Variants in PTPRN2 observed in about 807,000 individuals in gnomAD.
PTPRN2 encodes the protein receptor-type tyrosine-protein phosphatase N2.
In PTPRN2, 74 loss-of-function variants were observed where a neutral mutation model predicts 118.8. The ratio of observed to expected loss-of-function variants is 0.62; its 90% CI spans 0.52 to 0.76. The LOEUF is 0.76. PTPRN2 is among the 30% of genes least tolerant of loss of function. The probability of loss-of-function intolerance (pLI) is 0.00; values close to 1 mark genes in which losing one functional copy is unlikely to be tolerated. For synonymous variants in PTPRN2, 641 were observed against 608.0 expected (o/e 1.05, Z -0.80); for missense variants, 1,481 against 1,394.4 (o/e 1.06, Z -0.99).
chr7:158,074,756 C>T (rs2128924878), intron 11 of PTPRN2, among the ~76,000 whole-genome samples: 2 of 152,324 alleles, frequency 1.3e-5, no homozygotes, highest in East Asian at 3.9e-4. Flanking sequence ...GGGCCAGGTG[C>T]TCCCCAGCAG....
At chr7:158,041,400 G>T (rs1808457773) in intron 11 of PTPRN2, among the ~76,000 whole-genome samples, 1 of 152,212 alleles carries the variant, frequency 6.6e-6, no homozygotes, top group African/African-American at 2.4e-5. Flanking sequence ...CACCTTGGGA[G>T]GCTGAGGTGG....
intron 3 of PTPRN2, among the ~76,000 whole-genome samples, chr7:158,312,249 T>A (rs13311779): frequency 9.5e-6 from 1 of 104,896 alleles, no homozygotes; most frequent in Non-Finnish European, 2.4e-5. Flanking sequence ...CACACACACC[T>A]GCACACGCAC....
intron 4 of PTPRN2, among the ~76,000 whole-genome samples, chr7:158,198,064 G>A (rs1826348127): frequency 6.6e-6 from 1 of 152,120 alleles, no homozygotes; most frequent in Admixed American, 6.5e-5. Context: ...CATGTTCTAT[G>A]TTGTCAGAGT....
intron 12 of PTPRN2, among the ~76,000 whole-genome samples, chr7:157,771,885 C>T (rs1563091069): frequency 6.7e-6 from 1 of 150,152 alleles, no homozygotes; most frequent in Non-Finnish European, 1.5e-5. Context: ...CATGAACACA[C>T]ACAGACACAG....
At chr7:158,002,910 G>A (rs1485973062) in intron 11 of PTPRN2, among the ~76,000 whole-genome samples, 1 of 152,208 alleles carries the variant, frequency 6.6e-6, no homozygotes, top group Non-Finnish European at 1.5e-5. Context: ...TGGAACTCCT[G>A]GCAGGAGATG....
At chr7:157,545,537 G>A (rs966267074) in intron 22 of PTPRN2, among the ~76,000 whole-genome samples, 37 of 152,178 alleles carry the variant, frequency 2.4e-4, no homozygotes, top group African/African-American at 8.4e-4. Flanking sequence ...TGAGTGTGCC[G>A]CCTCTCTGGC....
chr7:158,189,426 G>A (rs1825581755), intron 5 of PTPRN2, among the ~76,000 whole-genome samples: 1 of 152,226 alleles, frequency 6.6e-6, no homozygotes, highest in Non-Finnish European at 1.5e-5. Context: ...AATGCTGTTT[G>A]CAGGTGACGA....
intron 3 of PTPRN2, among the ~76,000 whole-genome samples, chr7:158,274,344 AGAGCCACAGACACAGGG>A (rs772629287): frequency 0.25 from 28,354 of 112,640 alleles, 5,780 homozygotes; most frequent in African/African-American, 0.31. Context: ...CAGACGCGGG[AGAGCCACAGACACAGGG>A]GGAGCCGCAG....
rs563307825 is a variant in PTPRN2 at position 157,800,877 on chromosome 7, G to A, written c.1788+97796C>T. ...TGAGGCAGGAGAATGGCGTGAACCC[G>A]GGAGGCGGAGCTTGCAGTGAGCCGA... On this transcript the variant is annotated intron_variant, in intron 12 of 22. Transcript: ENST00000389418. 2.2e-3 allele frequency among the ~76,000 whole-genome samples: 338 copies of A among 151,770 alleles called. 3 individuals carry two copies. The highest frequency in any genetic ancestry group is 2.4e-3 in the Admixed American group (36 of 15,260).
At chr7:158,553,170 C>T (rs1160492354) in intron 1 of PTPRN2, among the ~76,000 whole-genome samples, 1 of 151,324 alleles carries the variant, frequency 6.6e-6, no homozygotes, top group East Asian at 1.9e-4. Context: ...TTCCTGTCTA[C>T]ACACATACAG....
chr7:158,219,121 C>A (rs1828162293), intron 3 of PTPRN2, among the ~76,000 whole-genome samples: 1 of 152,062 alleles, frequency 6.6e-6, no homozygotes, highest in African/African-American at 2.4e-5. Context: ...AATATATATT[C>A]TTCTTATCTG....
intron 2 of PTPRN2, among the ~76,000 whole-genome samples, chr7:158,413,236 A>T (rs1470737976): frequency 2.0e-5 from 3 of 152,240 alleles, no homozygotes; most frequent in Admixed American, 2.0e-4. Context: ...CAGCAAGACA[A>T]ATTTTGTGCC....
At chr7:158,242,913 A>T (rs886144062) in intron 3 of PTPRN2, among the ~76,000 whole-genome samples, 1 of 152,070 alleles carries the variant, frequency 6.6e-6, no homozygotes. Context: ...GTCTTCTCTC[A>T]TTTCTCAGTC....
intron 12 of PTPRN2, among the ~76,000 whole-genome samples, chr7:157,812,455 A>G (rs76957412): frequency 0.019 from 2,904 of 152,286 alleles, 103 homozygotes; most frequent in African/African-American, 0.065. Context: ...CCTGAGTTCC[A>G]GGGACTTCTT....
chr7:157,895,959 C>T (rs762241329), intron 12 of PTPRN2, among the ~76,000 whole-genome samples: 4 of 151,960 alleles, frequency 2.6e-5, no homozygotes, highest in Non-Finnish European at 4.4e-5. Flanking sequence ...AAAGAGATGG[C>T]GAGGGGTAGC....
chr7:158,307,812 C>T (rs886981568), intron 3 of PTPRN2, among the ~76,000 whole-genome samples: 2 of 152,110 alleles, frequency 1.3e-5, no homozygotes, highest in African/African-American at 4.8e-5. Flanking sequence ...GAGGGCTCTG[C>T]CCTCATGAAT....
chr7:158,015,604 C>T lies in PTPRN2; in HGVS notation c.1723+65694G>A, dbSNP rs1806394382. Among the ~76,000 whole-genome samples, 1 of 152,096 alleles carries T rather than the reference C, an allele frequency of 6.6e-6. No individual in the cohort carries two copies. Among genetic ancestry groups the T allele is most frequent in the East Asian group, 1.9e-4 (1 of 5,188 alleles). ...CTTTCAGGGGAAAGCAGAGCCCTTT[C>T]TCTTTACTCACCAGCAGTTCATATT... On this transcript the variant is annotated intron_variant, in intron 11 of 22. Transcript: ENST00000389418. The surrounding 1 kb of genome is among the most constrained non-coding windows in gnomAD (Gnocchi z 4.2).
chr7:158,167,343 T>G, intron 5 of PTPRN2, 52 bp from the exon 6 acceptor site: 3 of 1,526,470 alleles, frequency 2.0e-6, no homozygotes, highest in Admixed American at 1.9e-5. Context: ...CATCGTCAGC[T>G]GGGGGCACCA....
At chr7:158,141,297 G>GT (rs1407322559) in intron 6 of PTPRN2, among the ~76,000 whole-genome samples, 1 of 152,244 alleles carries the variant, frequency 6.6e-6, no homozygotes, top group Non-Finnish European at 1.5e-5. Context: ...GCAGCCTGCA[G>GT]TGTCTGCACA....
Sources: allele counts gnomAD v4.1 joint callset (sites outside exome capture counted in the v4.1 genomes callset), GRCh38; gene constraint gnomAD v4.1.1; non-coding constraint Gnocchi (gnomAD v3.1); transcripts MANE v1.5; gene names NCBI Gene and HGNC (gene_info 2026-07-23, HGNC 2026-07-21).